IL36B: variants seen among roughly 807,000 people sequenced by gnomAD.
IL36B encodes the protein interleukin-36 beta.
Under a neutral mutation model 19.3 loss-of-function variants are expected in IL36B, and 23 were observed. That is an observed-to-expected ratio of 1.19 (90% CI 0.86 to 1.69). IL36B has a LOEUF of 1.69. Ranked by LOEUF, IL36B falls within the 40% of genes most tolerant of loss-of-function variation. IL36B has a pLI of 0.00. For synonymous variants in IL36B, 59 were observed against 59.7 expected (o/e 0.99, Z 0.05); for missense variants, 217 against 200.5 (o/e 1.08, Z -0.50).
At chr2:113,023,939 T>A (rs898251396) in intron 5 of IL36B, among the ~76,000 whole-genome samples, 1 of 152,156 alleles carries the variant, frequency 6.6e-6, no homozygotes, top group Admixed American at 6.5e-5. Context: ...AGATTCTCAG[T>A]TGCAAGCTTA....
chr2:113,032,237 C>T (rs1277909894), intron 1 of IL36B, among the ~76,000 whole-genome samples: 3 of 151,426 alleles, frequency 2.0e-5, no homozygotes, highest in African/African-American at 7.3e-5. Context: ...CTGAACACTC[C>T]TAAGTAATTT....
intron 1 of IL36B, among the ~76,000 whole-genome samples, chr2:113,032,754 G>A (rs999837964): frequency 1.3e-5 from 2 of 152,160 alleles, no homozygotes; most frequent in Admixed American, 1.3e-4. Context: ...GGACTCCCAG[G>A]CCCCTTAATG....
At chr2:113,030,015 G>A (rs753686662) in intron 3 of IL36B, among the ~76,000 whole-genome samples, 11 of 152,266 alleles carry the variant, frequency 7.2e-5, no homozygotes, top group East Asian at 1.9e-4. Flanking sequence ...GGCGGATCAC[G>A]AGGTCAGGGG....
At chr2:113,025,271 G>A (rs1684937219) in intron 5 of IL36B, among the ~76,000 whole-genome samples, 1 of 152,208 alleles carries the variant, frequency 6.6e-6, no homozygotes, top group Non-Finnish European at 1.5e-5. Context: ...GCCTTTCTAT[G>A]TTTTTCCTCT....
At chr2:113,028,046 C>A in intron 4 of IL36B, 2 of 1,614,116 alleles carry the variant, frequency 1.2e-6, no homozygotes, top group South Asian at 2.2e-5. Context: ...GTGGAGCCTT[C>A]TTTATTGTGG....
chr2:113,048,923 TC>T (rs1013436321), intron 1 of IL36B, among the ~76,000 whole-genome samples: 3 of 152,202 alleles, frequency 2.0e-5, no homozygotes, highest in African/African-American at 7.2e-5. Flanking sequence ...TAATCCCATT[TC>T]TATGAAAGCA....
chr2:113,039,211 C>G (rs1573373322), intron 1 of IL36B, among the ~76,000 whole-genome samples: 1 of 152,236 alleles, frequency 6.6e-6, no homozygotes. Context: ...GAGACAGGCA[C>G]AGAGCACTGG....
chr2:113,022,642 T>C lies in IL36B; in HGVS notation c.*32A>G, dbSNP rs772420276. On this transcript the variant is annotated 3_prime_UTR_variant, in exon 6 of 6. Coordinates refer to ENST00000259213, the MANE Select transcript of IL36B (RefSeq NM_014438.5). ...CATTGATAGCAAACCCACTCAAAGA[T>C]TGTAGAGATGGGAATCTTCCTCCCC... is the stretch of plus-strand genomic sequence containing the variant. 3.7e-6 allele frequency: 5 copies of C among 1,335,674 alleles called. No homozygotes were observed. The highest frequency in any genetic ancestry group is 5.4e-6 in the Non-Finnish European group (5 of 926,878). The allele number at this position is 1,335,674 out of a possible 1,614,324, so 82.7% of individuals were successfully genotyped here. A position where few individuals can be genotyped will look rare whatever the true frequency, so the allele number is the denominator to read the frequency against.
chr2:113,044,655 T>C (rs1685318627), intron 1 of IL36B, among the ~76,000 whole-genome samples: 1 of 152,194 alleles, frequency 6.6e-6, no homozygotes, highest in Admixed American at 6.5e-5. Flanking sequence ...AAAGTTTTGC[T>C]TTTTAATTCA....
At chr2:113,031,206 G>C in intron 2 of IL36B, 51 bp from the exon 3 acceptor site, 1 of 1,217,326 alleles carries the variant, frequency 8.2e-7, no homozygotes, top group Non-Finnish European at 1.2e-6. Context: ...TCAACTTCAG[G>C]ACTCCAGTTG....
chr2:113,027,527 AGTT>A, intron 4 of IL36B: 1 of 1,028,294 alleles, frequency 9.7e-7, no homozygotes, highest in Middle Eastern at 2.7e-4. Context: ...TTATTGAAGA[AGTT>A]GTATGAACAA....
In IL36B at chr2:113,049,409, A is replaced by G. The variant is rs577380580; in HGVS notation, c.-58+3408T>C. Among the ~76,000 whole-genome samples, 23 of 152,318 alleles carry G rather than the reference A, an allele frequency of 1.5e-4. No homozygotes were observed. The South Asian group carries it at 4.3e-3, about 29-fold the overall frequency. ...AAAGTCATATAAGGGGTTGACATCT[A>G]GAATATATATAGAACTCCTGTAACT... On this transcript the variant is annotated intron_variant, in intron 1 of 5. Coordinates refer to ENST00000259213, the MANE Select transcript of IL36B (RefSeq NM_014438.5).
At chr2:113,041,952 G>C (rs1254642044) in intron 1 of IL36B, among the ~76,000 whole-genome samples, 1 of 152,168 alleles carries the variant, frequency 6.6e-6, no homozygotes, top group Non-Finnish European at 1.5e-5. Flanking sequence ...CCTGGAAAGG[G>C]GGTGGCATTA....
intron 1 of IL36B, among the ~76,000 whole-genome samples, chr2:113,037,549 T>C (rs1685185176): frequency 6.6e-6 from 1 of 151,790 alleles, no homozygotes; most frequent in Non-Finnish European, 1.5e-5. Context: ...CTCGGGAGGC[T>C]GAAGCAGGAG....
chr2:113,051,179 G>A (rs994723527), intron 1 of IL36B, among the ~76,000 whole-genome samples: 10 of 152,206 alleles, frequency 6.6e-5, no homozygotes, highest in Non-Finnish European at 1.0e-4. Flanking sequence ...GCGCAGGACC[G>A]GGGAGAATGG....
intron 1 of IL36B, among the ~76,000 whole-genome samples, chr2:113,031,967 T>C (rs1175314456): frequency 6.6e-6 from 1 of 152,174 alleles, no homozygotes; most frequent in African/African-American, 2.4e-5. Flanking sequence ...ATCTCTGCTG[T>C]GGCTGGCACA....
At chr2:113,047,849 C>T (rs1015678169) in intron 1 of IL36B, among the ~76,000 whole-genome samples, 1 of 150,722 alleles carries the variant, frequency 6.6e-6, no homozygotes, top group African/African-American at 2.4e-5. Flanking sequence ...CTGGACTAAC[C>T]AATATAAATA....
At chr2:113,052,704 T>C (rs907661751) in intron 1 of IL36B, 113 bp downstream of exon 1, 4 of 152,276 alleles carry the variant, frequency 2.6e-5, no homozygotes, top group Non-Finnish European at 5.9e-5. Flanking sequence ...CCTTTTTCTC[T>C]CTGCGTTGGG....
At chr2:113,051,408 C>A (rs1685442502) in intron 1 of IL36B, among the ~76,000 whole-genome samples, 1 of 152,194 alleles carries the variant, frequency 6.6e-6, no homozygotes, top group African/African-American at 2.4e-5. Context: ...GTGACACACA[C>A]CGGAGCCTCA....
Sources: gnomAD v4.1 joint callset for allele counts (sites outside exome capture counted in the v4.1 genomes callset) on GRCh38, gnomAD v4.1.1 for gene constraint, MANE v1.5 for transcripts, NCBI Gene and HGNC (gene_info 2026-07-23, HGNC 2026-07-21) for gene names.